Variants in TSHZ3 observed in about 807,000 individuals in gnomAD.
The protein encoded by TSHZ3 is teashirt zinc finger homeobox 3, also known as teashirt homolog 3.
In TSHZ3, 10 loss-of-function variants were observed where a neutral mutation model predicts 64.5. The ratio of observed to expected loss-of-function variants is 0.16; its 90% CI spans 0.10 to 0.26. The LOEUF (loss-of-function observed/expected upper bound fraction) is 0.26, where lower values mean the gene tolerates loss of function less well. Ranked by LOEUF, TSHZ3 falls within the 10% of genes least tolerant of loss-of-function variation. TSHZ3 has a pLI of 1.00. For missense variants in TSHZ3, 1,242 were observed against 1,421.7 expected, an observed-to-expected ratio of 0.87 and a Z score of 2.03; for synonymous variants, 608 against 593.1, an observed-to-expected ratio of 1.03 and a Z score of -0.36.
chr19:31,198,350 T>C (rs1159809480), intron 5 of TSHZ3, among the ~76,000 whole-genome samples: 1 of 152,148 alleles, frequency 6.6e-6, no homozygotes, highest in Admixed American at 6.5e-5. Flanking sequence ...GGAGAGAAAC[T>C]CAAAGCTTTC....
chr19:31,151,345 C>T (rs1190035420), exon 7 of TSHZ3, among the ~76,000 whole-genome samples: 1 of 151,864 alleles, frequency 6.6e-6, no homozygotes, highest in Non-Finnish European at 1.5e-5. Context: ...TTAACAATAT[C>T]CAGAAAAAAA....
At chr19:31,318,491 T>C (rs1176870983) in intron 1 of TSHZ3, among the ~76,000 whole-genome samples, 1 of 152,224 alleles carries the variant, frequency 6.6e-6, no homozygotes, top group Non-Finnish European at 1.5e-5. Context: ...ATTCTATTCA[T>C]AAAAAATGAT....
At chr19:31,164,517 T>C (rs765845333) in intron 5 of TSHZ3, among the ~76,000 whole-genome samples, 1 of 152,106 alleles carries the variant, frequency 6.6e-6, no homozygotes, top group Non-Finnish European at 1.5e-5. Context: ...TACACATTTG[T>C]TGAATAAATG....
intron 1 of TSHZ3, among the ~76,000 whole-genome samples, chr19:31,280,530 T>C (rs773028633): frequency 1.3e-5 from 2 of 152,142 alleles, no homozygotes; most frequent in Non-Finnish European, 2.9e-5. Flanking sequence ...ACACTCTCCA[T>C]GCAGAATTAT....
exon 3 of TSHZ3, among the ~76,000 whole-genome samples, chr19:31,242,614 T>G (rs112812707): frequency 6.1e-5 from 9 of 146,928 alleles, no homozygotes; most frequent in South Asian, 2.3e-4. Context: ...TCCAAAGGCA[T>G]CAGAAGATGG....
In TSHZ3 at chr19:31,279,516, T is replaced by C. The variant is rs984328107; in HGVS notation, c.277A>G (p.Ile93Val). The C allele has an allele frequency of 2.5e-6, 4 of 1,612,750 alleles. No individual in the cohort carries two copies. The highest frequency in any genetic ancestry group is 1.7e-4 in the Middle Eastern group (1 of 6,056). Residue 93 changes from isoleucine to valine, a missense_variant, in exon 2 of 2, where the codon ATC becomes GTC. By Grantham distance (29) the Ile-to-Val change is conservative. Around this residue, in one of 4 missense-constraint regions of TSHZ3, gnomAD observed 555 missense variants for 704.0 expected, o/e 0.79. Transcript: ENST00000240587. This position sits in a 1 kb window ranked among gnomAD's most constrained non-coding sequence, Gnocchi z 6.4. Reference protein sequence around the residue: ...DRMADFESGSIKNEEETKEVT... With the variant: ...DRMADFESGSVKNEEETKEVT... ...TCCTTGGTCTCCTCTTCGTTCTTGA[T>C]GGAGCCGCTTTCAAAGTCAGCCATT...
At chr19:31,157,036 C>T (rs1974314226) in intron 5 of TSHZ3, among the ~76,000 whole-genome samples, 1 of 152,104 alleles carries the variant, frequency 6.6e-6, no homozygotes, top group Admixed American at 6.5e-5. Flanking sequence ...ATTGATACAA[C>T]CATTCCAGAG....
At chr19:31,262,019 T>C (rs904367423) in intron 1 of TSHZ3, among the ~76,000 whole-genome samples, 2 of 152,240 alleles carry the variant, frequency 1.3e-5, no homozygotes, top group Non-Finnish European at 2.9e-5. Flanking sequence ...TAAATCATTA[T>C]AGCCTTAAAC....
At chr19:31,169,989 A>G (rs1469143363) in intron 5 of TSHZ3, among the ~76,000 whole-genome samples, 1 of 152,182 alleles carries the variant, frequency 6.6e-6, no homozygotes, top group Non-Finnish European at 1.5e-5. Flanking sequence ...TTTCATCTGC[A>G]CTGCTAATAG....
At chr19:31,253,253 C>T (rs1012316513) in intron 1 of TSHZ3, among the ~76,000 whole-genome samples, 2 of 151,978 alleles carry the variant, frequency 1.3e-5, no homozygotes, top group Admixed American at 6.6e-5. Flanking sequence ...ATTGTACTAG[C>T]AAAATAAGCA....
intron 6 of TSHZ3, among the ~76,000 whole-genome samples, chr19:31,153,215 T>C (rs1816029501): frequency 6.6e-6 from 1 of 152,164 alleles, no homozygotes; most frequent in South Asian, 2.1e-4. Context: ...AAAGGCCAGT[T>C]TTCTACCATG....
chr19:31,330,716 A>AGG, intron 1 of TSHZ3, among the ~76,000 whole-genome samples: 1 of 142,758 alleles, frequency 7.0e-6, no homozygotes, highest in East Asian at 2.1e-4. Context: ...GGGCGGGGGG[A>AGG]GGAAAGTCCA....
chr19:31,313,552 GAAATGGTTCCTGTCCCCACAC>G lies in TSHZ3; in HGVS notation c.41-33821_41-33801del, dbSNP rs770482428. Among the ~76,000 whole-genome samples, 233 of 152,292 alleles carry G rather than the reference GAAATGGTTCCTGTCCCCACAC, an allele frequency of 1.5e-3. 1 individual carries two copies. In the South Asian group the frequency reaches 0.033, roughly 21 times the overall value. On this transcript the variant is annotated intron_variant, in intron 1 of 1. Coordinates refer to ENST00000240587, the MANE Select transcript of TSHZ3 (RefSeq NM_020856.4). ...CGTACCACCTGCCTGTTGGGCTGCG[GAAATGGTTCCTGTCCCCACAC>G]ATATGCCAGTGCCTCTGTGAGGGTG...
At chr19:31,232,950 T>G (rs1975560687) in intron 3 of TSHZ3, among the ~76,000 whole-genome samples, 1 of 152,212 alleles carries the variant, frequency 6.6e-6, no homozygotes, top group Non-Finnish European at 1.5e-5. Context: ...GTATTATAGT[T>G]GTTGATTCAT....
chr19:31,228,387 A>G (rs141249869), intron 3 of TSHZ3, among the ~76,000 whole-genome samples: 2,065 of 152,032 alleles, frequency 0.014, 43 homozygotes, highest in African/African-American at 0.046. Context: ...TTAGCTAGGC[A>G]TGGTGGTGTG....
chr19:31,175,134 G>T (rs1418571207), intron 5 of TSHZ3, among the ~76,000 whole-genome samples: 1 of 152,182 alleles, frequency 6.6e-6, no homozygotes, highest in Non-Finnish European at 1.5e-5. Flanking sequence ...CAATGGCCCA[G>T]TTCATCATGA....
intron 3 of TSHZ3, among the ~76,000 whole-genome samples, chr19:31,241,198 G>A (rs1975683965): frequency 6.6e-6 from 1 of 152,136 alleles, no homozygotes; most frequent in South Asian, 2.1e-4. Flanking sequence ...ACATCGTCTA[G>A]TAGGCTTGGT....
chr19:31,279,270 T>A lies in TSHZ3; in HGVS notation c.523A>T (p.Thr175Ser). ...CGGCTCTGTGACACCTGCTGCAGCG[T>A]CTTAGCCATGGCGCTCTGGTGCCAG... is the stretch of plus-strand genomic sequence containing the variant. ...FDWHQSAMAK[T>S]LQQVSQSRML... is the part of the protein sequence containing the mutation. The change falls in exon 2 of 2, where the codon ACG becomes TCG. Residue 175 changes from threonine (T) to serine (S), a missense_variant. Thr to Ser is a moderately conservative substitution (Grantham distance 58). Coordinates refer to ENST00000240587, the MANE Select transcript of TSHZ3 (RefSeq NM_020856.4). The surrounding 1 kb of genome is among the most constrained non-coding windows in gnomAD (Gnocchi z 6.4). 2 of 1,614,090 alleles carry A rather than the reference T, an allele frequency of 1.2e-6. No homozygotes were observed. Among genetic ancestry groups the A allele is most frequent in the South Asian group, 1.1e-5 (1 of 91,072 alleles).
intron 1 of TSHZ3, among the ~76,000 whole-genome samples, chr19:31,290,865 A>C (rs1352735782): frequency 6.6e-6 from 1 of 152,176 alleles, no homozygotes; most frequent in African/African-American, 2.4e-5. Context: ...TGGCGGGATG[A>C]CAACCTCCCC....
Sources: gnomAD v4.1 joint callset for allele counts (sites outside exome capture counted in the v4.1 genomes callset) on GRCh38, gnomAD v4.1.1 for gene constraint, gnomAD v4.1.1 regional missense constraint, Gnocchi (gnomAD v3.1) non-coding constraint, MANE v1.5 for transcripts, NCBI Gene and HGNC (gene_info 2026-07-23, HGNC 2026-07-21) for gene names.